Variants in TBXAS1 observed in about 807,000 individuals in gnomAD.
TBXAS1 encodes the protein thromboxane A synthase 1, also known as thromboxane-A synthase.
Under a neutral mutation model 60.7 loss-of-function variants are expected in TBXAS1, and 48 were observed. That is an observed-to-expected ratio of 0.79 (90% confidence interval 0.63 to 1.01). The LOEUF is 1.01. Among genes scored for constraint, TBXAS1 ranks in the 50% least tolerant of loss-of-function variants. TBXAS1 has a pLI of 0.00. For missense variants in TBXAS1, 685 were observed against 686.3 expected, an observed-to-expected ratio of 1.00 and a Z score of 0.02; for synonymous variants, 287 against 269.7, an observed-to-expected ratio of 1.06 and a Z score of -0.63.
chr7:139,876,211 C>G (rs1802226600), intron 3 of TBXAS1, among the ~76,000 whole-genome samples: 1 of 152,168 alleles, frequency 6.6e-6, no homozygotes, highest in Non-Finnish European at 1.5e-5. Context: ...TATGGTCACC[C>G]TAGTTCTTGG....
chr7:140,017,853 A>G lies in TBXAS1; in HGVS notation c.1527+20A>G, dbSNP rs1815216883. ...ACCCAGGTGAGGCCCCCCTGCTCAG[A>G]GGCAGGGGCAGGGGCAGGGGTGGGA... is the stretch of plus-strand genomic sequence containing the variant. On this transcript the variant is annotated intron_variant, in intron 12 of 12. Coordinates refer to ENST00000448866, the MANE Select transcript of TBXAS1 (RefSeq NM_001061.7). 1.2e-6 allele frequency: 2 copies of G among 1,613,370 alleles called. No homozygotes were observed. The highest frequency in any genetic ancestry group is 1.7e-6 in the Non-Finnish European group (2 of 1,179,650).
intron 3 of TBXAS1, among the ~76,000 whole-genome samples, chr7:139,884,099 G>A (rs1182900306): frequency 6.6e-6 from 1 of 152,204 alleles, no homozygotes; most frequent in Non-Finnish European, 1.5e-5. Context: ...CCTCTTTGTG[G>A]TTTAAGATTC....
At chr7:139,898,620 C>G (rs757761) in intron 3 of TBXAS1, among the ~76,000 whole-genome samples, 64,251 of 151,808 alleles carry the variant, frequency 0.42, 13,950 homozygotes, top group South Asian at 0.53. Context: ...CTGTGCATGC[C>G]TTTCTGTTCC....
intron 2 of TBXAS1, 149 bp downstream of exon 2, chr7:139,872,477 A>G: frequency 1.4e-6 from 1 of 705,696 alleles, no homozygotes; most frequent in Non-Finnish European, 2.4e-6. Flanking sequence ...CAACATGGTG[A>G]AACCCCGTCT....
At chr7:139,861,098 C>T (rs7796912) in intron 1 of TBXAS1, among the ~76,000 whole-genome samples, 59,344 of 150,960 alleles carry the variant, frequency 0.39, 11,785 homozygotes, top group South Asian at 0.56. Flanking sequence ...TGCTTGAGCC[C>T]GGGAGGCGAA....
chr7:139,946,919 A>C (rs1170060786), intron 5 of TBXAS1, among the ~76,000 whole-genome samples: 1 of 152,202 alleles, frequency 6.6e-6, no homozygotes, highest in East Asian at 1.9e-4. Flanking sequence ...TGGGGCAAGT[A>C]TTCTCCAACA....
At chr7:139,826,092 C>G (rs920751596), upstream of TBXAS1, among the ~76,000 whole-genome samples, 1 of 152,220 alleles carries the variant, frequency 6.6e-6, no homozygotes, top group Admixed American at 6.5e-5. Flanking sequence ...TGCTCGCTCC[C>G]TGAATCCGTG....
intron 3 of TBXAS1, among the ~76,000 whole-genome samples, chr7:139,909,403 A>G (rs1033459778): frequency 6.6e-6 from 1 of 152,186 alleles, no homozygotes; most frequent in Non-Finnish European, 1.5e-5. Flanking sequence ...GACCCTCACC[A>G]TACATTTTAT....
chr7:140,001,101 A>G (rs1813640638), intron 9 of TBXAS1, among the ~76,000 whole-genome samples: 3 of 152,210 alleles, frequency 2.0e-5, no homozygotes, highest in African/African-American at 7.2e-5. Context: ...AAGCCAGGCC[A>G]AGGTCAAGGG....
chr7:139,861,989 A>C (rs1801002890), intron 1 of TBXAS1, among the ~76,000 whole-genome samples: 1 of 152,210 alleles, frequency 6.6e-6, no homozygotes. Flanking sequence ...GTCTTAACCC[A>C]TTATGCAATC....
chr7:139,983,600 T>C (rs542620989), intron 9 of TBXAS1, among the ~76,000 whole-genome samples: 150 of 152,226 alleles, frequency 9.9e-4, no homozygotes, highest in African/African-American at 3.5e-3. Flanking sequence ...CCAATAGATC[T>C]CCATGTATTT....
upstream of TBXAS1, among the ~76,000 whole-genome samples, chr7:139,828,797 C>G (rs10237429): frequency 0.69 from 104,545 of 152,098 alleles, 37,919 homozygotes; most frequent in East Asian, 0.92. Flanking sequence ...GACACTCAGA[C>G]AGGTCCTCAG....
intron 3 of TBXAS1, among the ~76,000 whole-genome samples, chr7:139,900,264 TA>T (rs1461222416): frequency 6.6e-6 from 1 of 152,216 alleles, no homozygotes; most frequent in Non-Finnish European, 1.5e-5. Context: ...ACTACAGAGA[TA>T]ACTTAGTTTT....
chr7:139,986,367 A>C (rs1812456953), intron 9 of TBXAS1, among the ~76,000 whole-genome samples: 1 of 152,144 alleles, frequency 6.6e-6, no homozygotes, highest in South Asian at 2.1e-4. Flanking sequence ...ATATACTTTA[A>C]AAGAAAATAT....
Position 139,838,529 on chromosome 7 carries a change from C to T in TBXAS1, c.89+9050C>T, listed in dbSNP as rs1030514354. Among the ~76,000 whole-genome samples the T allele has an allele frequency of 2.0e-5, 3 of 152,306 alleles. No individual in the cohort carries two copies. In the East Asian group the frequency reaches 5.8e-4, roughly 29 times the overall value. On this transcript the variant is annotated intron_variant, in intron 1 of 12. Transcript: ENST00000448866. ...TTTCAGTTTGTGTCAATTTGCCATG[C>T]ACTGTTCCAGTTGTTGAAGATGGAC...
At chr7:139,802,166 A>G (rs1404753115) in intron 4 of TBXAS1, among the ~76,000 whole-genome samples, 2 of 152,226 alleles carry the variant, frequency 1.3e-5, no homozygotes, top group Non-Finnish European at 2.9e-5. Context: ...CTGTCCCTCC[A>G]TCAAATGTAG....
chr7:139,785,279 C>T (rs1797153281), intron 3 of TBXAS1, among the ~76,000 whole-genome samples: 1 of 152,050 alleles, frequency 6.6e-6, no homozygotes, highest in Non-Finnish European at 1.5e-5. Context: ...AAGCTGATCT[C>T]TAGATCTCTG....
intron 3 of TBXAS1, among the ~76,000 whole-genome samples, chr7:139,900,619 T>C (rs75315730): frequency 0.02 from 3,082 of 152,272 alleles, 98 homozygotes; most frequent in African/African-American, 0.07. Context: ...ACAAACTAAC[T>C]AATGTAAGCT....
intron 4 of TBXAS1, among the ~76,000 whole-genome samples, chr7:139,820,116 G>A (rs928244995): frequency 2.0e-5 from 3 of 152,024 alleles, no homozygotes; most frequent in Non-Finnish European, 2.9e-5. Flanking sequence ...GTGACTAGGA[G>A]GTGAAAAATG....
Sources: gnomAD v4.1 joint callset for allele counts (sites outside exome capture counted in the v4.1 genomes callset) on GRCh38, gnomAD v4.1.1 for gene constraint, MANE v1.5 for transcripts, NCBI Gene and HGNC (gene_info 2026-07-23, HGNC 2026-07-21) for gene names.